Variants in TPPP3 observed in about 807,000 individuals in gnomAD.
The protein encoded by TPPP3 is tubulin polymerization-promoting protein family member 3.
A neutral mutation model predicts 13.1 loss-of-function variants in TPPP3; 7 were observed. The ratio of observed to expected loss-of-function variants is 0.54; its 90% CI spans 0.30 to 1.01. The LOEUF is 1.01. Among genes scored for constraint, TPPP3 ranks in the 50% least tolerant of loss-of-function variants. The pLI, the probability that TPPP3 is intolerant of heterozygous loss-of-function variation, is 0.06. For synonymous variants in TPPP3, 87 were observed against 93.7 expected (o/e 0.93, Z 0.41); for missense variants, 185 against 235.0 (o/e 0.79, Z 1.39).
At position 67,391,544 on chromosome 16, in the gene TPPP3, C is replaced by G; in HGVS notation, c.-6-427G>C. 2 of 184,392 alleles carry G rather than the reference C, an allele frequency of 1.1e-5. No individual in the cohort carries two copies. The highest frequency in any genetic ancestry group is 2.3e-5 in the Non-Finnish European group (2 of 87,320). 11.4% of individuals were successfully genotyped at this position (184,392 alleles called of 1,614,324 possible). ...CAAGCTGGCTTGGGGCCAGGCCAGG[C>G]TGCTGGTCGGGCAGGCATTCAGTGA... is the stretch of plus-strand genomic sequence containing the variant. On this transcript the variant is annotated intron_variant, in intron 1 of 3. Coordinates refer to ENST00000393957, the MANE Select transcript of TPPP3 (RefSeq NM_015964.4). This position sits in a 1 kb window ranked among gnomAD's most constrained non-coding sequence, Gnocchi z 6.3.
At position 67,390,818 on chromosome 16, in the gene TPPP3, G is replaced by A. The variant is rs915451964; in HGVS notation, c.188+106C>T. The A allele has an allele frequency of 1.6e-5, 22 of 1,419,108 alleles. No homozygotes were observed. The highest frequency in any genetic ancestry group is 1.8e-4 in the Middle Eastern group (1 of 5,474). The allele number at this position is 1,419,108 out of a possible 1,614,324, so 87.9% of individuals were successfully genotyped here. A position where few individuals can be genotyped will look rare whatever the true frequency, so the allele number is the denominator to read the frequency against. ...GGTTTGCCCTGGAAGAACGACCTTCGTGATCATGGTGTTTCCCTGACCCCT... is the reference window on the plus strand; with the variant it reads ...GGTTTGCCCTGGAAGAACGACCTTCATGATCATGGTGTTTCCCTGACCCCT... On this transcript the variant is annotated intron_variant, in intron 2 of 3. Coordinates refer to ENST00000393957, the MANE Select transcript of TPPP3 (RefSeq NM_015964.4). The surrounding 1 kb of genome is among the most constrained non-coding windows in gnomAD (Gnocchi z 6.4).
In TPPP3 at chr16:67,392,999, G is replaced by A. The variant is rs2040347799; in HGVS notation, c.-7+381C>T. On this transcript the variant is annotated intron_variant, in intron 1 of 3. Transcript: ENST00000393957. This position sits in a 1 kb window ranked among gnomAD's most constrained non-coding sequence, Gnocchi z 4.9. ...GAGCTTGGATGCCACAGGGTGCTTG[G>A]CCCAAGCACTGGGCGGATCCTGCGT... 3.1e-5 allele frequency: 31 copies of A among 985,490 alleles called. No individual in the cohort carries two copies. The highest frequency in any genetic ancestry group is 3.7e-5 in the Non-Finnish European group (31 of 829,964). The allele number at this position is 985,490 out of a possible 1,614,324, so 61.0% of individuals were successfully genotyped here.
Position 67,390,624 on chromosome 16 carries a change from G to C in TPPP3, c.197C>G (p.Ser66Cys). Residue 66 changes from serine to cysteine, a missense_variant, in exon 3 of 4, where the codon TCT becomes TGT. Coordinates refer to ENST00000393957, the MANE Select transcript of TPPP3 (RefSeq NM_015964.4). The surrounding 1 kb of genome is among the most constrained non-coding windows in gnomAD (Gnocchi z 6.4). ...CTCCTCATAGTTGATGACCCGAGCA[G>C]ACTTCCCCCTGACAGGCATGTGGGC... ...DIVFSKVKGKSARVINYEEFK... is the reference protein window; with the variant it reads ...DIVFSKVKGKCARVINYEEFK... 6.2e-7 allele frequency: 1 copy of C among 1,612,652 alleles called. No individual in the cohort carries two copies. The highest frequency in any genetic ancestry group is 8.5e-7 in the Non-Finnish European group (1 of 1,179,772).
In TPPP3 at chr16:67,392,748, G is replaced by T. The variant is rs547510326; in HGVS notation, c.-7+632C>A. Among the ~76,000 whole-genome samples, 33 of 152,202 alleles carry T rather than the reference G, an allele frequency of 2.2e-4. No homozygotes were observed. The highest frequency in any genetic ancestry group is 7.2e-4 in the African/African-American group (30 of 41,508). On this transcript the variant is annotated intron_variant, in intron 1 of 3. Coordinates refer to ENST00000393957, the MANE Select transcript of TPPP3 (RefSeq NM_015964.4). The surrounding 1 kb of genome is among the most constrained non-coding windows in gnomAD (Gnocchi z 4.9). ...TTACACTAGGGCTTCCAGTGACCACGGCCTGGGCTCTGCCCGGCTGCCCCA... is the reference window on the plus strand; with the variant it reads ...TTACACTAGGGCTTCCAGTGACCACTGCCTGGGCTCTGCCCGGCTGCCCCA...
In TPPP3 at chr16:67,393,186, G is replaced by A. The variant is rs2040350612; in HGVS notation, c.-7+194C>T. On this transcript the variant is annotated intron_variant, in intron 1 of 3. Transcript: ENST00000393957. The surrounding 1 kb of genome is among the most constrained non-coding windows in gnomAD (Gnocchi z 5.4). ...CCGTCCCGCTCCCACTGGGACAGCT[G>A]GAGTCATCAATCAGCCGGACCAGGA... 1.6e-6 allele frequency: 1 copy of A among 616,226 alleles called. No individual in the cohort carries two copies. Among genetic ancestry groups the A allele is most frequent in the Non-Finnish European group, 2.0e-6 (1 of 492,678 alleles). The allele number at this position is 616,226 out of a possible 1,614,324, so 38.2% of individuals were successfully genotyped here.
In TPPP3 at chr16:67,389,836, T is replaced by G; in HGVS notation, c.*338A>C. ...GGTACAAAAGGTGTCTTTATTGAGG[T>G]CTGGGTTAAAATTAGGCACTTGGCC... On this transcript the variant is annotated 3_prime_UTR_variant, in exon 4 of 4. Transcript: ENST00000393957. The G allele has an allele frequency of 3.3e-6, 1 of 300,428 alleles. No homozygotes were observed. The allele number at this position is 300,428 out of a possible 1,614,324, so 18.6% of individuals were successfully genotyped here.
In TPPP3 at chr16:67,390,312, G is replaced by A; in HGVS notation, c.393C>T (p.Tyr131=). 6.2e-7 allele frequency: 1 copy of A among 1,614,136 alleles called. No individual in the cohort carries two copies. ...AVDRLTDTSR[Y]TGSHKERFDE... ...CGAAGCGCTCCTTGTGGGAGCCCGT[G>A]TATCTGCTGGTGTCCGTCAGCCGGT... Residue 131 remains tyrosine, a synonymous_variant, in exon 4 of 4, where the codon TAC becomes TAT. Coordinates refer to ENST00000393957, the MANE Select transcript of TPPP3 (RefSeq NM_015964.4). The surrounding 1 kb of genome is among the most constrained non-coding windows in gnomAD (Gnocchi z 6.4).
In TPPP3 at chr16:67,390,992, C is replaced by T. The variant is rs11552324; in HGVS notation, c.120G>A (p.Lys40=). 2 of 1,614,132 alleles carry T rather than the reference C, an allele frequency of 1.2e-6. No individual in the cohort carries two copies. Among genetic ancestry groups the T allele is most frequent in the African/African-American group, 2.7e-5 (2 of 74,950 alleles). Residue 40 remains lysine (K), a synonymous_variant, in exon 2 of 4, where the codon AAG becomes AAA. Transcript: ENST00000393957. The surrounding 1 kb of genome is among the most constrained non-coding windows in gnomAD (Gnocchi z 6.4). ...MNGKNWAKLC[K]DCKVADGKSV... The stretch of plus-strand genomic sequence containing the variant: ...ACTTTCCGTCAGCCACCTTGCAGTC[C>T]TTGCACAGCTTGGCCCAGTTCTTGC...
Position 67,391,431 on chromosome 16 carries a change from G to A in TPPP3, c.-6-314C>T. On this transcript the variant is annotated intron_variant, in intron 1 of 3. Coordinates refer to ENST00000393957, the MANE Select transcript of TPPP3 (RefSeq NM_015964.4). The surrounding 1 kb of genome is among the most constrained non-coding windows in gnomAD (Gnocchi z 6.3). ...AAAGACTGTTAGGGCAGCAGCTGGG[G>A]CCCTGGCTTTGTCTGGCCCTGGCAC... 1 of 266,722 alleles carries A rather than the reference G, an allele frequency of 3.7e-6. No individual in the cohort carries two copies. The highest frequency in any genetic ancestry group is 7.1e-6 in the Non-Finnish European group (1 of 140,424). The allele number at this position is 266,722 out of a possible 1,614,324, so 16.5% of individuals were successfully genotyped here.
chr16:67,392,859 G>A lies in TPPP3; in HGVS notation c.-7+521C>T, dbSNP rs555417164. The A allele has an allele frequency of 1.7e-5, 10 of 578,550 alleles. No individual in the cohort carries two copies. The highest frequency in any genetic ancestry group is 2.2e-5 in the Non-Finnish European group (10 of 458,116). 35.8% of individuals were successfully genotyped at this position (578,550 alleles called of 1,614,324 possible). On this transcript the variant is annotated intron_variant, in intron 1 of 3. Coordinates refer to ENST00000393957, the MANE Select transcript of TPPP3 (RefSeq NM_015964.4). The surrounding 1 kb of genome is among the most constrained non-coding windows in gnomAD (Gnocchi z 4.9). ...GACTGTGAGCACCGGTGGTTCCTAC[G>A]TTACAGGGACCATAACCCCAGTCCA...
chr16:67,390,542 C>T lies in TPPP3; in HGVS notation c.279G>A (p.Glu93=), dbSNP rs763569727. ...GCTGGCAGATGGCATCGAAGGCCTC[C>T]TCCTTGCTCTTCCCCTTGAATCTCT... The part of the protein sequence containing the change: ...ATKRFKGKSK[E]EAFDAICQLV... Residue 93 remains glutamate, a synonymous_variant, in exon 3 of 4, where the codon GAG becomes GAA. Transcript: ENST00000393957. This position sits in a 1 kb window ranked among gnomAD's most constrained non-coding sequence, Gnocchi z 6.4. 1.9e-6 allele frequency: 3 copies of T among 1,614,056 alleles called. No homozygotes were observed. The highest frequency in any genetic ancestry group is 2.5e-6 in the Non-Finnish European group (3 of 1,180,034).
chr16:67,393,151 C>T lies in TPPP3; in HGVS notation c.-7+229G>A, dbSNP rs1567512393. 1.5e-6 allele frequency: 1 copy of T among 662,758 alleles called. No individual in the cohort carries two copies. Among genetic ancestry groups the T allele is most frequent in the East Asian group, 1.4e-4 (1 of 7,266 alleles). 41.1% of individuals were successfully genotyped at this position (662,758 alleles called of 1,614,324 possible). On this transcript the variant is annotated intron_variant, in intron 1 of 3. Transcript: ENST00000393957. This position sits in a 1 kb window ranked among gnomAD's most constrained non-coding sequence, Gnocchi z 5.4. Reference sequence around the variant, plus strand: ...TGGATGGAGTGGCCACACCCGTGAACTGGAGCCACCCGTCCCGCTCCCACT... The same window carrying T: ...TGGATGGAGTGGCCACACCCGTGAATTGGAGCCACCCGTCCCGCTCCCACT...
At position 67,390,104 on chromosome 16, in the gene TPPP3, G is replaced by T; in HGVS notation, c.*70C>A. ...AGGGGACCAGGATCTCTTGCTCCAC[G>T]TGCCCCTTAGACCCAGGCCTGAGCC... is the stretch of plus-strand genomic sequence containing the variant. On this transcript the variant is annotated 3_prime_UTR_variant, in exon 4 of 4. Transcript: ENST00000393957. The surrounding 1 kb of genome is among the most constrained non-coding windows in gnomAD (Gnocchi z 6.4). The T allele has an allele frequency of 6.7e-7, 1 of 1,500,982 alleles. No individual in the cohort carries two copies. 93.0% of individuals were successfully genotyped at this position (1,500,982 alleles called of 1,614,324 possible).
chr16:67,393,074 G>A lies in TPPP3; in HGVS notation c.-7+306C>T, dbSNP rs2040348641. 5 of 975,460 alleles carry A rather than the reference G, an allele frequency of 5.1e-6. No homozygotes were observed. Among genetic ancestry groups the A allele is most frequent in the Non-Finnish European group, 4.9e-6 (4 of 820,816 alleles). The allele number at this position is 975,460 out of a possible 1,614,324, so 60.4% of individuals were successfully genotyped here. A position where few individuals can be genotyped will look rare whatever the true frequency, so the allele number is the denominator to read the frequency against. On this transcript the variant is annotated intron_variant, in intron 1 of 3. Coordinates refer to ENST00000393957, the MANE Select transcript of TPPP3 (RefSeq NM_015964.4). The surrounding 1 kb of genome is among the most constrained non-coding windows in gnomAD (Gnocchi z 5.4). ...AAGATGGATTCTTGGTCATCTCAGC[G>A]CGGTCAGGTGGCGCTGGGTTGCAGG... is the stretch of plus-strand genomic sequence containing the variant.
Sources: allele counts gnomAD v4.1 joint callset (sites outside exome capture counted in the v4.1 genomes callset), GRCh38; gene constraint gnomAD v4.1.1; non-coding constraint Gnocchi (gnomAD v3.1); transcripts MANE v1.5; gene names NCBI Gene and HGNC (gene_info 2026-07-23, HGNC 2026-07-21).